PLCE1: variants seen among roughly 807,000 people sequenced by gnomAD.
The protein encoded by PLCE1 is phospholipase C epsilon 1.
A neutral mutation model predicts 242.8 loss-of-function variants in PLCE1; 119 were observed. The observed-to-expected ratio is 0.49, with a 90% CI of 0.42 to 0.57. The LOEUF (loss-of-function observed/expected upper bound fraction) is 0.57. Among genes scored for constraint, PLCE1 ranks in the 20% least tolerant of loss-of-function variants. PLCE1 has a pLI of 0.00. For synonymous variants in PLCE1, 945 were observed against 1,017.4 expected (o/e 0.93, Z 1.35); for missense variants, 2,441 against 2,788.8 (o/e 0.88, Z 2.81).
rs2133957108 is a variant in PLCE1 at position 94,328,362 on chromosome 10, T to C, written c.*419T>C. The C allele has an allele frequency of 6.5e-6, 1 of 154,694 alleles. No individual in the cohort carries two copies. Among genetic ancestry groups the C allele is most frequent in the South Asian group, 2.0e-4 (1 of 5,022 alleles). The allele number at this position is 154,694 out of a possible 1,614,324, so 9.6% of individuals were successfully genotyped here. On this transcript the variant is annotated 3_prime_UTR_variant, in exon 33 of 33. Coordinates refer to ENST00000371380, the MANE Select transcript of PLCE1 (RefSeq NM_016341.4). ...CATACATGAACGAACGTGGCTGTAT[T>C]CCAATAAAACTTTATTTATGGACAC...
chr10:94,053,532 G>A (rs1310413347), intron 2 of PLCE1, among the ~76,000 whole-genome samples: 2 of 152,186 alleles, frequency 1.3e-5, no homozygotes, highest in African/African-American at 4.8e-5. Context: ...CCTGCTGGCC[G>A]GAGGGAGCAG....
intron 2 of PLCE1, among the ~76,000 whole-genome samples, chr10:94,069,676 C>A (rs75391612): frequency 0.011 from 1,704 of 152,200 alleles, 35 homozygotes; most frequent in African/African-American, 0.038. Context: ...AAAGAAAGTT[C>A]TAGGTCAGAA....
rs2061548459 is a variant in PLCE1, at chr10:94,031,107, T to C, written c.61T>C (p.Ser21Pro). The change falls in exon 2 of 33, where the codon TCT (serine) becomes CCT (proline). Residue 21 changes from serine to proline, a missense_variant. By Grantham distance (74) the Ser-to-Pro change is moderately conservative. This residue lies in a region of PLCE1 where 393 missense variants were observed against 378.5 expected (regional missense o/e 1.04). Transcript: ENST00000371380. The part of the protein sequence containing the change: ...LIPVTQRKVV[S>P]AQSAADESSE... ...ACCTGTGACTCAGAGAAAAGTGGTT[T>C]CTGCCCAGTCGGCTGCAGATGAAAG... 6.2e-7 allele frequency: 1 copy of C among 1,613,836 alleles called. No homozygotes were observed. The highest frequency in any genetic ancestry group is 8.5e-7 in the Non-Finnish European group (1 of 1,179,804).
At chr10:94,066,627 T>A (rs1589950032) in intron 2 of PLCE1, among the ~76,000 whole-genome samples, 1 of 152,192 alleles carries the variant, frequency 6.6e-6, no homozygotes, top group African/African-American at 2.4e-5. Context: ...CACATTTTAA[T>A]GCACTATTCC....
intron 3 of PLCE1, among the ~76,000 whole-genome samples, chr10:94,135,131 C>T (rs181722505): frequency 1.4e-3 from 211 of 152,312 alleles, no homozygotes; most frequent in Non-Finnish European, 2.4e-3. Flanking sequence ...ATGGGTTTCT[C>T]ACCACCAAAA....
intron 20 of PLCE1, chr10:94,280,693 G>C (rs2052176006): frequency 6.6e-6 from 1 of 152,162 alleles, no homozygotes; most frequent in Non-Finnish European, 1.5e-5. Context: ...ACATTATATA[G>C]TAGAATATAT....
chr10:94,210,222 G>A (rs1310539466), intron 4 of PLCE1, among the ~76,000 whole-genome samples: 3 of 150,066 alleles, frequency 2.0e-5, no homozygotes, highest in Admixed American at 6.7e-5. Context: ...CATCTATGCC[G>A]TAAGCACTTC....
intron 2 of PLCE1, among the ~76,000 whole-genome samples, chr10:94,059,650 C>T (rs1564654537): frequency 6.6e-6 from 1 of 152,130 alleles, no homozygotes; most frequent in Non-Finnish European, 1.5e-5. Context: ...ATCACAGTTG[C>T]TTTGCATATT....
intron 1 of PLCE1, among the ~76,000 whole-genome samples, chr10:93,994,986 TTATGCAAAATTTG>T (rs1242267051): frequency 6.6e-6 from 1 of 152,240 alleles, no homozygotes; most frequent in Non-Finnish European, 1.5e-5. Context: ...TTCAGTTGCA[TTATGCAAAATTTG>T]CCCGTAGGTC....
At chr10:94,177,686 T>A (rs2048167631) in intron 4 of PLCE1, among the ~76,000 whole-genome samples, 1 of 152,220 alleles carries the variant, frequency 6.6e-6, no homozygotes, top group Non-Finnish European at 1.5e-5. Flanking sequence ...TCTTCCTGCA[T>A]CTAGCTTATA....
At chr10:94,049,134 CTT>C (rs1308709394) in intron 2 of PLCE1, among the ~76,000 whole-genome samples, 2 of 151,812 alleles carry the variant, frequency 1.3e-5, no homozygotes. Context: ...TTTTAATTGT[CTT>C]TTCTTTTTTG....
chr10:94,105,255 C>G (rs2045685613), intron 2 of PLCE1: 1 of 152,188 alleles, frequency 6.6e-6, no homozygotes, highest in South Asian at 2.1e-4. Flanking sequence ...TGACTCTAGG[C>G]CAACTGAGTT....
At position 94,325,043 on chromosome 10, in the gene PLCE1, G is replaced by C. The variant is rs772469423; in HGVS notation, c.6872G>C (p.Gly2291Ala). Reference protein sequence around the residue: ...IQTKEEKPVGGLSSSDTMDYR... With the variant: ...IQTKEEKPVGALSSSDTMDYR... ...ACCAAGGAGGAGAAACCTGTGGGTG[G>C]CTTGTCCTCCAGTGACACAATGGAT... Residue 2291 changes from glycine to alanine, a missense_variant, in exon 32 of 33, where the codon GGC becomes GCC. Physicochemically the swap from Gly to Ala is moderately conservative, Grantham distance 60 (BLOSUM62 0). This residue lies in a region of PLCE1 where 310 missense variants were observed against 317.2 expected (regional missense o/e 0.98). Transcript: ENST00000371380. 18 of 1,614,218 alleles carry C rather than the reference G, an allele frequency of 1.1e-5. No individual in the cohort carries two copies. Among genetic ancestry groups the C allele is most frequent in the Non-Finnish European group, 1.4e-5 (17 of 1,180,038 alleles).
chr10:94,090,752 G>A (rs924388403), intron 2 of PLCE1, among the ~76,000 whole-genome samples: 8 of 152,242 alleles, frequency 5.3e-5, no homozygotes, highest in South Asian at 4.1e-4. Context: ...AGCCTATGTC[G>A]TCCTGTTTTT....
At chr10:94,101,849 C>T (rs1431185578) in intron 2 of PLCE1, among the ~76,000 whole-genome samples, 1 of 152,160 alleles carries the variant, frequency 6.6e-6, no homozygotes, top group Non-Finnish European at 1.5e-5. Context: ...GCCACCTGGG[C>T]TGGGCAGAAC....
rs369498868 is a variant in PLCE1 at position 94,254,666 on chromosome 10, C to T, written c.3398-227C>T. On this transcript the variant is annotated intron_variant, in intron 10 of 32. Transcript: ENST00000371380. ...TATTCTCTGGCTGGGACCTTGGGACCTGGACATCTTATTTATTTTTGAAGC... is the reference window on the plus strand; with the variant it reads ...TATTCTCTGGCTGGGACCTTGGGACTTGGACATCTTATTTATTTTTGAAGC... Among the ~76,000 whole-genome samples the T allele has an allele frequency of 9.0e-4, 137 of 152,250 alleles. 3 individuals are homozygous for T. The South Asian group carries it at 0.028, about 31-fold the overall frequency.
rs1589834132 is a variant in PLCE1, at chr10:94,000,478, G to A, written c.-365+6220G>A. Among the ~76,000 whole-genome samples the A allele has an allele frequency of 2.0e-5, 3 of 152,304 alleles. No individual in the cohort carries two copies. In the South Asian group the frequency reaches 6.2e-4, roughly 32 times the overall value. ...TAACTCATGTCGGAGGCTTAGAACT[G>A]TACATTGTCTAGAATAAGAATTCTA... On this transcript the variant is annotated intron_variant, in intron 1 of 32. Transcript: ENST00000371380.
At chr10:94,094,482 T>C (rs1470176843) in intron 2 of PLCE1, among the ~76,000 whole-genome samples, 4 of 151,964 alleles carry the variant, frequency 2.6e-5, no homozygotes, top group African/African-American at 7.3e-5. Context: ...TTATGGGAGT[T>C]CATAGCAGGG....
chr10:94,023,461 A>G (rs551393147), intron 1 of PLCE1, among the ~76,000 whole-genome samples: 4 of 152,314 alleles, frequency 2.6e-5, no homozygotes, highest in African/African-American at 9.6e-5. Context: ...TGACATTATT[A>G]TACAATGAAG....
Sources: gnomAD v4.1 joint callset for allele counts (sites outside exome capture counted in the v4.1 genomes callset) on GRCh38, gnomAD v4.1.1 for gene constraint, gnomAD v4.1.1 regional missense constraint, MANE v1.5 for transcripts, NCBI Gene and HGNC (gene_info 2026-07-23, HGNC 2026-07-21) for gene names.